AOAH: variants seen among roughly 807,000 people sequenced by gnomAD.
AOAH encodes the protein acyloxyacyl hydrolase.
A neutral mutation model predicts 92.2 loss-of-function variants in AOAH; 64 were observed. The ratio of observed to expected loss-of-function variants is 0.69; its 90% confidence interval spans 0.57 to 0.86. AOAH has a LOEUF of 0.86. Among genes scored for constraint, AOAH ranks in the 40% least tolerant of loss-of-function variants. AOAH has a pLI of 0.00. For missense variants in AOAH, 656 were observed against 694.6 expected (o/e 0.94, Z 0.62); for synonymous variants, 263 against 254.5 (o/e 1.03, Z -0.32).
rs768985787 is a variant in AOAH, at chr7:36,687,632, C to G, written c.128-838G>C. Among the ~76,000 whole-genome samples the G allele has an allele frequency of 1.8e-3, 270 of 151,380 alleles. 3 individuals carry two copies. The highest frequency in any genetic ancestry group is 3.4e-3 in the Non-Finnish European group (230 of 67,886). On this transcript the variant is annotated intron_variant, in intron 1 of 20. Coordinates refer to ENST00000617537, the MANE Select transcript of AOAH (RefSeq NM_001637.4). ...AGTATGTGAGAAGAAATTTTTAGAT[C>G]TCATTGCAGTAAGAAGAGTGGACAC...
intron 16 of AOAH, among the ~76,000 whole-genome samples, chr7:36,538,309 G>T (rs973339891): frequency 6.6e-6 from 1 of 151,932 alleles, no homozygotes; most frequent in Non-Finnish European, 1.5e-5. Context: ...TTACAGGCAT[G>T]AGCCACCGTG....
At chr7:36,720,251 G>A (rs1799531087) in intron 1 of AOAH, among the ~76,000 whole-genome samples, 1 of 152,010 alleles carries the variant, frequency 6.6e-6, no homozygotes, top group Admixed American at 6.6e-5. Flanking sequence ...CTGGGTTCAA[G>A]CGATTCTTCT....
At chr7:36,677,709 C>A (rs1193893066) in intron 2 of AOAH, among the ~76,000 whole-genome samples, 1 of 152,102 alleles carries the variant, frequency 6.6e-6, no homozygotes, top group Non-Finnish European at 1.5e-5. Context: ...TCCTCAAATA[C>A]CTATCAGCTA....
chr7:36,679,127 T>C (rs1325885458), intron 2 of AOAH, among the ~76,000 whole-genome samples: 2 of 152,090 alleles, frequency 1.3e-5, no homozygotes, highest in African/African-American at 4.8e-5. Flanking sequence ...TATGTGTAAA[T>C]AAAACATAGG....
intron 6 of AOAH, among the ~76,000 whole-genome samples, chr7:36,627,545 C>CAAAAA (rs146066329): frequency 1.0e-3 from 149 of 145,784 alleles, no homozygotes; most frequent in South Asian, 8.1e-3. Flanking sequence ...GGAAAGCACT[C>CAAAAA]AAAAAAAAAA....
At chr7:36,698,239 T>G (rs924991017) in intron 1 of AOAH, among the ~76,000 whole-genome samples, 3 of 152,228 alleles carry the variant, frequency 2.0e-5, no homozygotes, top group Non-Finnish European at 4.4e-5. Context: ...CGATCTTTCC[T>G]TATGATCCTT....
chr7:36,534,540 C>A (rs369230479), intron 16 of AOAH, among the ~76,000 whole-genome samples: 7 of 152,202 alleles, frequency 4.6e-5, no homozygotes, highest in Non-Finnish European at 7.3e-5. Flanking sequence ...GGGGTGCTTG[C>A]GATGGGCTTA....
Position 36,670,660 on chromosome 7 carries a change from A to G in AOAH, c.290+3283T>C, listed in dbSNP as rs536302550. On this transcript the variant is annotated intron_variant, in intron 3 of 20. Coordinates refer to ENST00000617537, the MANE Select transcript of AOAH (RefSeq NM_001637.4). ...CGGCTAATTTTTTTTGTATTTTAGT[A>G]GAGACAGGGTTTCACCATGTTGGCC... Among the ~76,000 whole-genome samples, 3 of 152,186 alleles carry G rather than the reference A, an allele frequency of 2.0e-5. No individual in the cohort carries two copies. The South Asian group carries it at 6.2e-4, about 32-fold the overall frequency.
intron 9 of AOAH, among the ~76,000 whole-genome samples, chr7:36,618,775 A>C (rs1792080411): frequency 6.6e-6 from 1 of 151,786 alleles, no homozygotes; most frequent in East Asian, 1.9e-4. Flanking sequence ...TCCATTTTGC[A>C]CATTCCTTTA....
intron 2 of AOAH, among the ~76,000 whole-genome samples, chr7:36,681,900 T>C (rs1287722392): frequency 6.6e-6 from 1 of 152,102 alleles, no homozygotes; most frequent in Non-Finnish European, 1.5e-5. Flanking sequence ...TGAACCCCAA[T>C]GTGCAATTAG....
intron 13 of AOAH, among the ~76,000 whole-genome samples, chr7:36,550,656 G>C (rs114328851): frequency 6.6e-6 from 1 of 152,178 alleles, no homozygotes; most frequent in East Asian, 1.9e-4. Context: ...CCAGTGTACT[G>C]TCTTTTTGTC....
At chr7:36,688,191 C>T (rs149677796) in intron 1 of AOAH, among the ~76,000 whole-genome samples, 14 of 152,218 alleles carry the variant, frequency 9.2e-5, no homozygotes, top group South Asian at 2.1e-4. Context: ...TAGTAGCTGA[C>T]GCTTATCAGC....
At chr7:36,583,326 G>T (rs553653751) in intron 12 of AOAH, among the ~76,000 whole-genome samples, 43 of 152,270 alleles carry the variant, frequency 2.8e-4, no homozygotes, top group African/African-American at 9.4e-4. Flanking sequence ...GACCTTTTCT[G>T]CTAGGAAAAT....
At chr7:36,545,017 T>C (rs1470315475) in intron 15 of AOAH, among the ~76,000 whole-genome samples, 1 of 152,170 alleles carries the variant, frequency 6.6e-6, no homozygotes, top group Admixed American at 6.5e-5. Context: ...AATCACATTG[T>C]TGGGCTCCCA....
chr7:36,707,694 C>A (rs1323218533), intron 1 of AOAH, among the ~76,000 whole-genome samples: 1 of 152,100 alleles, frequency 6.6e-6, no homozygotes, highest in African/African-American at 2.4e-5. Flanking sequence ...AGTGATAAGT[C>A]ATTTTTCTGT....
chr7:36,567,612 T>C (rs781076980), intron 13 of AOAH, among the ~76,000 whole-genome samples: 3 of 152,204 alleles, frequency 2.0e-5, no homozygotes, highest in South Asian at 2.1e-4. Context: ...CCCTGGAGAA[T>C]TGGGCCCTTA....
chr7:36,550,979 C>T (rs1227758340), intron 13 of AOAH, among the ~76,000 whole-genome samples: 1 of 151,982 alleles, frequency 6.6e-6, no homozygotes, highest in East Asian at 1.9e-4. Flanking sequence ...ACAGGCAGCA[C>T]TGATGTTCTC....
chr7:36,671,354 T>C lies in AOAH; in HGVS notation c.290+2589A>G, dbSNP rs146600925. On this transcript the variant is annotated intron_variant, in intron 3 of 20. Transcript: ENST00000617537. ...TCCTACCTCTTTTTCTTACTTTCTT[T>C]TTTACTTTCATAAACATATAGTCAG... Among the ~76,000 whole-genome samples, 1,384 of 152,344 alleles carry C rather than the reference T, an allele frequency of 9.1e-3. 23 individuals are homozygous for C. Among genetic ancestry groups the C allele is most frequent in the African/African-American group, 0.031 (1,296 of 41,574 alleles).
chr7:36,645,127 C>T (rs901522501), intron 4 of AOAH, among the ~76,000 whole-genome samples: 2 of 152,128 alleles, frequency 1.3e-5, no homozygotes, highest in Non-Finnish European at 1.5e-5. Context: ...TCTGTGCCCC[C>T]CACCCCAACC....
Sources: gnomAD v4.1 joint callset for allele counts (sites outside exome capture counted in the v4.1 genomes callset) on GRCh38, gnomAD v4.1.1 for gene constraint, MANE v1.5 for transcripts, NCBI Gene and HGNC (gene_info 2026-07-23, HGNC 2026-07-21) for gene names.